ITK: variants seen among roughly 807,000 people sequenced by gnomAD.
ITK encodes tyrosine-protein kinase ITK/TSK.
A neutral mutation model predicts 87.6 loss-of-function variants in ITK; 45 were observed. That is an observed-to-expected ratio of 0.51 (90% CI 0.40 to 0.66). ITK has a LOEUF of 0.66. Among genes scored for constraint, ITK ranks in the 30% least tolerant of loss-of-function variants. ITK has a pLI of 0.00. For synonymous variants in ITK, 303 were observed against 273.6 expected, an observed-to-expected ratio of 1.11 and a Z score of -1.06; for missense variants, 605 against 766.3, an observed-to-expected ratio of 0.79 and a Z score of 2.48.
intron 1 of ITK, among the ~76,000 whole-genome samples, chr5:157,191,373 G>A (rs1055292846): frequency 6.6e-6 from 1 of 152,142 alleles, no homozygotes; most frequent in African/African-American, 2.4e-5. Flanking sequence ...GACAGTAGCA[G>A]CAAAGACTGA....
At chr5:157,190,992 G>A (rs163310) in intron 1 of ITK, among the ~76,000 whole-genome samples, 23,852 of 152,062 alleles carry the variant, frequency 0.16, 2,255 homozygotes, top group African/African-American at 0.26. Context: ...TGACAGCTAT[G>A]GGGTCAGCAG....
Position 157,244,268 on chromosome 5 carries a change from C to T in ITK, c.1239C>T (p.Leu413=), listed in dbSNP as rs55635546. ...CCTTGTCTTTTTCCTCCAGGAAACT[C>T]TCTCATCCCAAACTGGTGCAGCTGT... The part of the protein sequence containing the change: ...FIEEAEVMMK[L]SHPKLVQLYG... Residue 413 remains leucine, a synonymous_variant, in exon 13 of 17, where the codon CTC becomes CTT. Coordinates refer to ENST00000422843, the MANE Select transcript of ITK (RefSeq NM_005546.4). The T allele has an allele frequency of 3.1e-6, 5 of 1,614,004 alleles. No homozygotes were observed. In the East Asian group the frequency reaches 1.1e-4, roughly 36 times the overall value.
At chr5:157,241,741 T>A in intron 11 of ITK, 21 bp downstream of exon 11, 1 of 1,581,478 alleles carries the variant, frequency 6.3e-7, no homozygotes, top group Non-Finnish European at 8.7e-7. Context: ...CAATCAGGAA[T>A]GTAAACTCAT....
chr5:157,227,597 AC>A (rs1174289914), intron 6 of ITK, among the ~76,000 whole-genome samples: 2 of 152,176 alleles, frequency 1.3e-5, no homozygotes, highest in African/African-American at 4.8e-5. Context: ...AAATGATAGT[AC>A]TAAAGTGGAA....
In ITK at chr5:157,242,557, C is replaced by G. The variant is rs139479236; in HGVS notation, c.1060+837C>G. Among the ~76,000 whole-genome samples the G allele has an allele frequency of 9.8e-3, 1,485 of 152,214 alleles. 21 individuals are homozygous for G. The highest frequency in any genetic ancestry group is 0.034 in the African/African-American group (1,404 of 41,516). On this transcript the variant is annotated intron_variant, in intron 11 of 16. Transcript: ENST00000422843. ...GTGGCGTAATCATGGCTCACTGCTG[C>G]CTTGACCTCCTGGGCTCAAGCGATC... is the stretch of plus-strand genomic sequence containing the variant.
At chr5:157,208,821 C>A in intron 1 of ITK, 68 bp from the exon 2 acceptor site, 3 of 1,106,312 alleles carry the variant, frequency 2.7e-6, no homozygotes, top group Non-Finnish European at 4.1e-6. Flanking sequence ...CAGTAGATTT[C>A]TGGAGCAATC....
chr5:157,199,134 T>C (rs1183531682), intron 1 of ITK: 1 of 152,178 alleles, frequency 6.6e-6, no homozygotes, highest in Non-Finnish European at 1.5e-5. Context: ...ACTATTCTTA[T>C]GTCGCTTTTG....
intron 13 of ITK, chr5:157,244,771 C>CT (rs1754988201): frequency 2.5e-6 from 1 of 403,270 alleles, no homozygotes; most frequent in African/African-American, 2.0e-5. Context: ...CAATTTCCTC[C>CT]TGGTAAATTG....
At position 157,209,986 on chromosome 5, in the gene ITK, C is replaced by T. The variant is rs374800806; in HGVS notation, c.243+993C>T. ...TGTCACCCAGGCTGGAGTGCAGTGG[C>T]GCAATCCCGGCTCACTGCAACCTCC... On this transcript the variant is annotated intron_variant, in intron 2 of 16. Coordinates refer to ENST00000422843, the MANE Select transcript of ITK (RefSeq NM_005546.4). Among the ~76,000 whole-genome samples the T allele has an allele frequency of 4.7e-5, 7 of 150,320 alleles. 1 individual carries two copies. The highest frequency in any genetic ancestry group is 1.5e-4 in the African/African-American group (6 of 40,888).
At chr5:157,217,954 C>T (rs201890022) in intron 5 of ITK, 47 bp downstream of exon 5, 3 of 1,528,658 alleles carry the variant, frequency 2.0e-6, no homozygotes, top group Non-Finnish European at 2.7e-6. Context: ...CACAGGCTAC[C>T]TGATTGGCAT....
At chr5:157,249,637 A>G (rs1755101440) in intron 16 of ITK, among the ~76,000 whole-genome samples, 1 of 152,236 alleles carries the variant, frequency 6.6e-6, no homozygotes, top group Admixed American at 6.5e-5. Context: ...TTGTACGACA[A>G]CAAGGTGGAA....
Position 157,249,830 on chromosome 5 carries a change from TA to T in ITK, c.1791+827del, listed in dbSNP as rs1301242311. 3.3e-5 allele frequency among the ~76,000 whole-genome samples: 5 copies of T among 152,204 alleles called. No individual in the cohort carries two copies. In the East Asian group the frequency reaches 9.6e-4, roughly 29 times the overall value. The stretch of plus-strand genomic sequence containing the variant: ...AACAATAGAGACATAAAGGAGGGCA[TA>T]AAACAAATCTTATCCACTTCATAAG... On this transcript the variant is annotated intron_variant, in intron 16 of 16. Coordinates refer to ENST00000422843, the MANE Select transcript of ITK (RefSeq NM_005546.4).
intron 8 of ITK, among the ~76,000 whole-genome samples, chr5:157,237,048 C>A (rs1335995460): frequency 6.6e-6 from 1 of 152,180 alleles, no homozygotes; most frequent in Non-Finnish European, 1.5e-5. Flanking sequence ...TTCAACCCAG[C>A]AATCCTATTA....
At chr5:157,194,342 G>C (rs1006812388) in intron 1 of ITK, among the ~76,000 whole-genome samples, 1 of 152,132 alleles carries the variant, frequency 6.6e-6, no homozygotes, top group Non-Finnish European at 1.5e-5. Context: ...CTGAGGATCT[G>C]TTCCTGGGGT....
intron 2 of ITK, among the ~76,000 whole-genome samples, chr5:157,211,036 C>G (rs1318300788): frequency 1.3e-5 from 2 of 152,110 alleles, no homozygotes; most frequent in Non-Finnish European, 2.9e-5. Flanking sequence ...GGAGAACTTT[C>G]TCCTGCTGTC....
intron 5 of ITK, among the ~76,000 whole-genome samples, chr5:157,219,020 A>G (rs1021019821): frequency 1.3e-5 from 2 of 151,052 alleles, no homozygotes; most frequent in Admixed American, 6.6e-5. Context: ...AAGGAGATGA[A>G]AAAAAAAAGA....
At position 157,186,382 on chromosome 5, in the gene ITK, G is replaced by A. The variant is rs939940972; in HGVS notation, c.138+5267G>A. Among the ~76,000 whole-genome samples the A allele has an allele frequency of 1.8e-4, 27 of 147,982 alleles. No individual in the cohort carries two copies. The East Asian group carries it at 3.7e-3, about 20-fold the overall frequency. On this transcript the variant is annotated intron_variant, in intron 1 of 16. Transcript: ENST00000422843. ...TATGTGTCTTAAAAAAAAAAAAAAA[G>A]AGAGAGAGAGAGGCGGGCACGATGG...
intron 2 of ITK, among the ~76,000 whole-genome samples, chr5:157,209,785 C>T (rs1031516411): frequency 6.6e-6 from 1 of 152,160 alleles, no homozygotes; most frequent in Admixed American, 6.5e-5. Flanking sequence ...CATGGATGTT[C>T]ACATTTAAAT....
At chr5:157,221,469 G>C (rs1018414462) in intron 5 of ITK, among the ~76,000 whole-genome samples, 1 of 152,052 alleles carries the variant, frequency 6.6e-6, no homozygotes, top group African/African-American at 2.4e-5. Flanking sequence ...ATGTTTACCA[G>C]GATATTCGAA....
Sources: gnomAD v4.1 joint callset for allele counts (sites outside exome capture counted in the v4.1 genomes callset) on GRCh38, gnomAD v4.1.1 for gene constraint, MANE v1.5 for transcripts, NCBI Gene and HGNC (gene_info 2026-07-23, HGNC 2026-07-21) for gene names.